Variants in PROX1 observed in about 807,000 individuals in gnomAD.
PROX1 encodes prospero homeobox 1.
Under a neutral mutation model 58.8 loss-of-function variants are expected in PROX1, and 7 were observed. The observed-to-expected ratio is 0.12, with a 90% CI of 0.07 to 0.22. PROX1 has a LOEUF of 0.22. PROX1 is among the 10% of genes least tolerant of loss of function. PROX1 has a pLI of 1.00. For synonymous variants in PROX1, 350 were observed against 358.3 expected (o/e 0.98, Z 0.26); for missense variants, 675 against 927.8 (o/e 0.73, Z 3.54).
chr1:214,015,742 C>T (rs377651834), intron 4 of PROX1, among the ~76,000 whole-genome samples: 45 of 152,248 alleles, frequency 3.0e-4, no homozygotes, highest in Non-Finnish European at 4.4e-4. Flanking sequence ...GGTTTGTTAC[C>T]GCCTGAGTGT....
At chr1:214,009,447 A>C (rs79469143) in intron 3 of PROX1, among the ~76,000 whole-genome samples, 1 of 152,206 alleles carries the variant, frequency 6.6e-6, no homozygotes, top group Non-Finnish European at 1.5e-5. Flanking sequence ...CCCAGTGTGA[A>C]TATCTAGAAA....
rs1396671226 is a variant in PROX1 at position 213,988,410 on chromosome 1, A to AAAGAGAGAGAGAGATAG, written c.-140_-139insAGAGAGAGAGAGATAGA. On this transcript the variant is annotated 5_prime_UTR_variant, in exon 1 of 5. Transcript: ENST00000366958. ...TTCCTCTCTCTGCCGGGGGAAAAAAAAGAGAGAGAGAGAGATAGAGAGAGA... is the reference window on the plus strand; with the variant it reads ...TTCCTCTCTCTGCCGGGGGAAAAAAAAAGAGAGAGAGAGATAGAGAGAGAGAGAGAGATAGAGAGAGA... 9.4e-6 allele frequency: 1 copy of AAAGAGAGAGAGAGATAG among 106,696 alleles called. No homozygotes were observed. Among genetic ancestry groups the AAAGAGAGAGAGAGATAG allele is most frequent in the Non-Finnish European group, 2.2e-5 (1 of 45,678 alleles). The allele number at this position is 106,696 out of a possible 1,614,324, so 6.6% of individuals were successfully genotyped here.
At chr1:213,996,424 A>C (rs1185505777) in intron 1 of PROX1, 45 bp from the exon 2 acceptor site, 10 of 1,326,250 alleles carry the variant, frequency 7.5e-6, no homozygotes, top group South Asian at 1.6e-5. Context: ...AATTTGGAGA[A>C]ATTTAAAGAA....
intron 4 of PROX1, among the ~76,000 whole-genome samples, chr1:214,022,799 G>A (rs1326681213): frequency 5.3e-5 from 8 of 152,072 alleles, no homozygotes; most frequent in Non-Finnish European, 1.0e-4. Context: ...TTTCATTCTA[G>A]CTCTGAAATT....
At position 214,036,062 on chromosome 1, in the gene PROX1, C is replaced by T; in HGVS notation, c.*228C>T. The T allele has an allele frequency of 2.7e-6, 1 of 367,618 alleles. No homozygotes were observed. The highest frequency in any genetic ancestry group is 4.8e-6 in the Non-Finnish European group (1 of 207,310). 22.8% of individuals were successfully genotyped at this position (367,618 alleles called of 1,614,324 possible). A position where few individuals can be genotyped will look rare whatever the true frequency, so the allele number is the denominator to read the frequency against. On this transcript the variant is annotated 3_prime_UTR_variant, in exon 5 of 5. Transcript: ENST00000366958. ...CCTTTAGTTTGCTTTTGCCCAAGGCCCTTAACATTTGGACACTTAAAATAG... is the reference window on the plus strand; with the variant it reads ...CCTTTAGTTTGCTTTTGCCCAAGGCTCTTAACATTTGGACACTTAAAATAG...
In PROX1 at chr1:213,994,799, A is replaced by ATATC. The variant is rs1553287376; in HGVS notation, c.-67-1667_-67-1666insCTAT. On this transcript the variant is annotated intron_variant, in intron 1 of 4. Transcript: ENST00000366958. ...TATATATATATATATATATATATATATATAAAGAGGTATCATTTTGCTTTC... is the reference window on the plus strand; with the variant it reads ...TATATATATATATATATATATATATATATCTATAAAGAGGTATCATTTTGCTTTC... 8.1e-4 allele frequency among the ~76,000 whole-genome samples: 97 copies of ATATC among 119,572 alleles called. 2 individuals are homozygous for ATATC. Among genetic ancestry groups the ATATC allele is most frequent in the African/African-American group, 3.2e-3 (92 of 28,754 alleles). 78.4% of individuals were successfully genotyped at this position (119,572 alleles called of 152,430 possible). A position where few individuals can be genotyped will look rare whatever the true frequency, so the allele number is the denominator to read the frequency against.
upstream of PROX1, chr1:213,984,816 T>C (rs1214655531): frequency 6.5e-6 from 1 of 152,928 alleles, no homozygotes; most frequent in Non-Finnish European, 1.5e-5. Context: ...CGTCCACTTT[T>C]GCCTCTCAAC....
At chr1:214,024,968 A>T (rs993649261) in intron 4 of PROX1, among the ~76,000 whole-genome samples, 4 of 152,194 alleles carry the variant, frequency 2.6e-5, no homozygotes, top group African/African-American at 9.6e-5. Flanking sequence ...TACGGGGCTG[A>T]CTTAAAGGGG....
Position 214,035,966 on chromosome 1 carries a change from A to G in PROX1, c.*132A>G. 1 of 681,302 alleles carries G rather than the reference A, an allele frequency of 1.5e-6. No homozygotes were observed. Among genetic ancestry groups the G allele is most frequent in the Non-Finnish European group, 2.2e-6 (1 of 457,732 alleles). The allele number at this position is 681,302 out of a possible 1,614,324, so 42.2% of individuals were successfully genotyped here. A position where few individuals can be genotyped will look rare whatever the true frequency, so the allele number is the denominator to read the frequency against. On this transcript the variant is annotated 3_prime_UTR_variant, in exon 5 of 5. Transcript: ENST00000366958. Reference sequence around the variant, plus strand: ...TGGATATGTTATGAAATCAGCTGGTAATTCCTCCTCATCACGTTTCTCTCA... The same window carrying G: ...TGGATATGTTATGAAATCAGCTGGTGATTCCTCCTCATCACGTTTCTCTCA...
chr1:214,025,176 C>A (rs955902866), intron 4 of PROX1, among the ~76,000 whole-genome samples: 4 of 152,198 alleles, frequency 2.6e-5, no homozygotes, highest in African/African-American at 9.7e-5. Context: ...CTTCCTGGTC[C>A]TTGACCACCA....
chr1:213,994,294 A>C (rs1033084177), intron 1 of PROX1, among the ~76,000 whole-genome samples: 6 of 152,200 alleles, frequency 3.9e-5, no homozygotes, highest in African/African-American at 1.4e-4. Flanking sequence ...TTTTGATTGG[A>C]GATCCATGTG....
intron 1 of PROX1, among the ~76,000 whole-genome samples, chr1:213,994,453 T>C (rs1167943262): frequency 6.6e-6 from 1 of 152,050 alleles, no homozygotes; most frequent in East Asian, 1.9e-4. Flanking sequence ...TGCAAGTGTT[T>C]CTTTGATTAA....
rs112763420 is a variant in PROX1, at chr1:213,997,374, G to A, written c.839G>A (p.Arg280His). ...EDGNLSEDSM[R>H]SEILDARAQD... ...GGTAACCTGTCTGAAGACAGCATGC[G>A]CTCGGAGATCCTGGATGCCAGGGCC... The change falls in exon 2 of 5, where the codon CGC becomes CAC. Residue 280 changes from arginine to histidine, a missense_variant. By Grantham distance (29) the Arg-to-His change is conservative. Coordinates refer to ENST00000366958, the MANE Select transcript of PROX1 (RefSeq NM_001270616.2). The surrounding 1 kb of genome is among the most constrained non-coding windows in gnomAD (Gnocchi z 7.1). 27 of 1,614,080 alleles carry A rather than the reference G, an allele frequency of 1.7e-5. No homozygotes were observed. In the African/African-American group the frequency reaches 2.9e-4, roughly 18 times the overall value.
At position 214,030,938 on chromosome 1, in the gene PROX1, C is replaced by G. The variant is rs77277012; in HGVS notation, c.2029-4711C>G. 4.6e-5 allele frequency: 7 copies of G among 152,422 alleles called. No individual in the cohort carries two copies. The East Asian group carries it at 1.4e-3, about 30-fold the overall frequency. The allele number at this position is 152,422 out of a possible 1,614,324, so 9.4% of individuals were successfully genotyped here. ...CAAATCATCCTTGAAGGTAAAGCAA[C>G]TGGGAAGAGGAGGAAGACAGGAGAA... On this transcript the variant is annotated intron_variant, in intron 4 of 4. Coordinates refer to ENST00000366958, the MANE Select transcript of PROX1 (RefSeq NM_001270616.2).
At chr1:213,998,327 C>T in intron 2 of PROX1, 67 bp downstream of exon 2, 1 of 1,485,308 alleles carries the variant, frequency 6.7e-7, no homozygotes, top group Admixed American at 2.3e-5. Flanking sequence ...GTTGGGTTTA[C>T]ACAATATCTA....
At chr1:213,995,244 G>T (rs1279782804) in intron 1 of PROX1, among the ~76,000 whole-genome samples, 1 of 152,088 alleles carries the variant, frequency 6.6e-6, no homozygotes, top group African/African-American at 2.4e-5. Context: ...AAAAAGATGT[G>T]ACATCTTATA....
chr1:214,015,019 G>A (rs1298615100), intron 4 of PROX1, among the ~76,000 whole-genome samples: 1 of 152,114 alleles, frequency 6.6e-6, no homozygotes, highest in East Asian at 1.9e-4. Flanking sequence ...TGCATTTCCT[G>A]GCCTTTATGA....
upstream of PROX1, chr1:213,986,365 A>C (rs1010323704): frequency 1.3e-5 from 2 of 151,988 alleles, no homozygotes; most frequent in Non-Finnish European, 2.9e-5. Context: ...TCTCCTTTTC[A>C]CTGTTTGAAA....
chr1:214,014,572 C>G (rs1003327373), intron 4 of PROX1, among the ~76,000 whole-genome samples: 1 of 152,174 alleles, frequency 6.6e-6, no homozygotes, highest in Non-Finnish European at 1.5e-5. Context: ...GACCTAGGCA[C>G]TCTTCTAAGT....
Sources: gnomAD v4.1 joint callset for allele counts (sites outside exome capture counted in the v4.1 genomes callset) on GRCh38, gnomAD v4.1.1 for gene constraint, Gnocchi (gnomAD v3.1) non-coding constraint, MANE v1.5 for transcripts, NCBI Gene and HGNC (gene_info 2026-07-23, HGNC 2026-07-21) for gene names.